Variants in TSPAN18 observed in about 807,000 individuals in gnomAD.
TSPAN18 encodes tetraspanin 18.
TSPAN18 carries 14 observed loss-of-function variants against 27.3 expected under a neutral mutation model. The ratio of observed to expected loss-of-function variants is 0.51; its 90% confidence interval spans 0.34 to 0.80. The LOEUF is 0.80. Ranked by LOEUF, TSPAN18 falls within the 30% of genes least tolerant of loss-of-function variation. The probability of loss-of-function intolerance (pLI) is 0.01; values close to 1 mark genes in which losing one functional copy is unlikely to be tolerated. For synonymous variants in TSPAN18, 143 were observed against 136.5 expected (o/e 1.05, Z -0.33); for missense variants, 268 against 323.9 (o/e 0.83, Z 1.32).
intron 2 of TSPAN18, among the ~76,000 whole-genome samples, chr11:44,778,635 A>G (rs1855868345): frequency 6.6e-6 from 1 of 152,196 alleles, no homozygotes; most frequent in Non-Finnish European, 1.5e-5. Context: ...GGACTTTCCC[A>G]GTGCTAGCCA....
Position 44,741,447 on chromosome 11 carries a change from A to ATATGTGTGTGTGTGTGTG in TSPAN18, c.-240+14161_-240+14162insATGTGTGTGTGTGTGTGT, listed in dbSNP as rs59390988. 3.4e-3 allele frequency among the ~76,000 whole-genome samples: 501 copies of ATATGTGTGTGTGTGTGTG among 147,466 alleles called. 6 individuals are homozygous for ATATGTGTGTGTGTGTGTG. The East Asian group carries it at 0.036, about 11-fold the overall frequency. ...CTATTCAAACCTGTCTCAGACATGTATGTGTGTGTGTGTGTGTGTGTGTGT... is the reference window on the plus strand; with the variant it reads ...CTATTCAAACCTGTCTCAGACATGTATATGTGTGTGTGTGTGTGTGTGTGTGTGTGTGTGTGTGTGTGT... On this transcript the variant is annotated intron_variant, in intron 1 of 9. Coordinates refer to ENST00000520358, the MANE Select transcript of TSPAN18 (RefSeq NM_130783.5).
intron 1 of TSPAN18, among the ~76,000 whole-genome samples, chr11:44,741,563 G>A (rs1431113288): frequency 1.3e-5 from 2 of 152,060 alleles, no homozygotes; most frequent in African/African-American, 4.8e-5. Flanking sequence ...GTGTGAGTTC[G>A]TGCGTGTCTG....
chr11:44,914,047 A>T (rs1252957989), intron 5 of TSPAN18, among the ~76,000 whole-genome samples: 6 of 152,242 alleles, frequency 3.9e-5, no homozygotes, highest in Non-Finnish European at 8.8e-5. Context: ...TACTCAAGTC[A>T]TGCCCAGGCC....
chr11:44,918,579 A>G (rs1415080984), intron 6 of TSPAN18, among the ~76,000 whole-genome samples: 1 of 136,050 alleles, frequency 7.4e-6, no homozygotes, highest in African/African-American at 2.8e-5. Context: ...AGGAGGGGCA[A>G]TGGGGCAGGA....
At chr11:44,790,653 G>C (rs772755753) in intron 2 of TSPAN18, among the ~76,000 whole-genome samples, 13 of 152,110 alleles carry the variant, frequency 8.5e-5, no homozygotes, top group Non-Finnish European at 1.3e-4. Flanking sequence ...AACTATAGGA[G>C]AACACAAAAG....
intron 1 of TSPAN18, among the ~76,000 whole-genome samples, chr11:44,751,882 A>G (rs1038907174): frequency 9.9e-5 from 15 of 151,864 alleles, no homozygotes; most frequent in African/African-American, 3.4e-4. Context: ...AGTCAAGATC[A>G]CACCACCGCA....
intron 2 of TSPAN18, among the ~76,000 whole-genome samples, chr11:44,768,100 C>A (rs1375523282): frequency 6.6e-6 from 1 of 152,132 alleles, no homozygotes; most frequent in East Asian, 1.9e-4. Context: ...TTTGCTTCTC[C>A]AAATAAACCT....
intron 2 of TSPAN18, among the ~76,000 whole-genome samples, chr11:44,808,789 G>A (rs1213818257): frequency 1.3e-5 from 2 of 152,020 alleles, no homozygotes; most frequent in Non-Finnish European, 2.9e-5. Context: ...CCCTCACCGT[G>A]GTTTGTGATA....
At chr11:44,766,051 T>G (rs1470579865) in intron 2 of TSPAN18, among the ~76,000 whole-genome samples, 1 of 152,140 alleles carries the variant, frequency 6.6e-6, no homozygotes, top group East Asian at 1.9e-4. Context: ...GTGTGCAGAT[T>G]GTAAAGTGCT....
intron 2 of TSPAN18, among the ~76,000 whole-genome samples, chr11:44,825,834 G>A (rs1410536731): frequency 6.6e-6 from 1 of 151,536 alleles, no homozygotes; most frequent in Non-Finnish European, 1.5e-5. Context: ...CCATGAGTGT[G>A]TTTAGGGTTG....
At chr11:44,820,219 C>T (rs1856898998) in intron 2 of TSPAN18, among the ~76,000 whole-genome samples, 1 of 152,242 alleles carries the variant, frequency 6.6e-6, no homozygotes, top group Admixed American at 6.5e-5. Context: ...CACACATTCT[C>T]ATGGGTTTCA....
chr11:44,810,988 G>A (rs1366012460), intron 2 of TSPAN18, among the ~76,000 whole-genome samples: 10 of 152,082 alleles, frequency 6.6e-5, no homozygotes, highest in East Asian at 1.9e-4. Context: ...CTGTCATTTC[G>A]TAGTATGATG....
At chr11:44,809,091 T>C (rs1309902851) in intron 2 of TSPAN18, among the ~76,000 whole-genome samples, 1 of 152,192 alleles carries the variant, frequency 6.6e-6, no homozygotes, top group African/African-American at 2.4e-5. Flanking sequence ...CAATGAACAC[T>C]GTTTTACAAC....
At chr11:44,802,893 A>G (rs1856513378) in intron 2 of TSPAN18, among the ~76,000 whole-genome samples, 1 of 152,186 alleles carries the variant, frequency 6.6e-6, no homozygotes, top group South Asian at 2.1e-4. Flanking sequence ...TGATTTTAAC[A>G]TTGAGCTGCT....
intron 2 of TSPAN18, among the ~76,000 whole-genome samples, chr11:44,814,834 A>G (rs2135107265): frequency 6.6e-6 from 1 of 152,344 alleles, no homozygotes; most frequent in East Asian, 1.9e-4. Context: ...AAACTAAAGA[A>G]AGCAAGTACA....
chr11:44,912,698 A>G (rs1859765051), intron 5 of TSPAN18, among the ~76,000 whole-genome samples: 1 of 151,794 alleles, frequency 6.6e-6, no homozygotes, highest in African/African-American at 2.4e-5. Flanking sequence ...ATGTGCATGT[A>G]TGTTGTGTTC....
intron 3 of TSPAN18, among the ~76,000 whole-genome samples, chr11:44,904,856 A>G (rs751922733): frequency 6.6e-6 from 1 of 152,172 alleles, no homozygotes; most frequent in African/African-American, 2.4e-5. Context: ...ATTATGTGCC[A>G]TGGGCCTTGT....
chr11:44,736,186 G>T (rs1375504885), intron 1 of TSPAN18: 1 of 152,102 alleles, frequency 6.6e-6, no homozygotes, highest in African/African-American at 2.4e-5. Context: ...TCATAGCCTA[G>T]TCCTGAGCAT....
In TSPAN18 at chr11:44,870,072, AT is replaced by A. The variant is rs200088873; in HGVS notation, c.-11+9609del. Among the ~76,000 whole-genome samples, 1,105 of 152,166 alleles carry A rather than the reference AT, an allele frequency of 7.3e-3. 16 individuals carry two copies. The highest frequency in any genetic ancestry group is 0.025 in the African/African-American group (1,052 of 41,502). On this transcript the variant is annotated intron_variant, in intron 3 of 9. Transcript: ENST00000520358. ...CCTGTTTTGCCCTTGTTCCTATTTT[AT>A]TTTTTAAACAGTTTTATAGAGGTAT...
Sources: gnomAD v4.1 joint callset for allele counts (sites outside exome capture counted in the v4.1 genomes callset) on GRCh38, gnomAD v4.1.1 for gene constraint, MANE v1.5 for transcripts, NCBI Gene and HGNC (gene_info 2026-07-23, HGNC 2026-07-21) for gene names.